The following PCDHA7 variants were observed in gnomAD, a reference collection of about 807,000 sequenced individuals.
The protein encoded by PCDHA7 is protocadherin alpha 7.
A neutral mutation model predicts 57.2 loss-of-function variants in PCDHA7; 37 were observed. That is an observed-to-expected ratio of 0.65 (90% confidence interval 0.50 to 0.85). The LOEUF (loss-of-function observed/expected upper bound fraction) is 0.85, where lower values mean the gene tolerates loss of function less well. Ranked by LOEUF, PCDHA7 falls within the 40% of genes least tolerant of loss-of-function variation. The probability of loss-of-function intolerance (pLI) is 0.00; values close to 1 mark genes in which losing one functional copy is unlikely to be tolerated. For synonymous variants in PCDHA7, 553 were observed against 558.8 expected (o/e 0.99, Z 0.15); for missense variants, 1,188 against 1,241.8 (o/e 0.96, Z 0.65).
chr5:140,868,946 G>C, intron 1 of PCDHA7: 1 of 1,292,216 alleles, frequency 7.7e-7, no homozygotes, highest in Non-Finnish European at 1.1e-6. Flanking sequence ...TCTGAACAGT[G>C]AGGCACTCCC....
chr5:140,836,021 C>T lies in PCDHA7; in HGVS notation c.1638C>T (p.Gly546=), dbSNP rs2150250890. The change falls in exon 1 of 4, where the codon GGC becomes GGT. Residue 546 remains glycine (G), a synonymous_variant. Transcript: ENST00000525929. ...GCGATGCGGGCGTGCCGCCTCTGGG[C>T]AGCAACGTGACGCTGCAGGTGTTCG... is the stretch of plus-strand genomic sequence containing the variant. ...SARDAGVPPL[G]SNVTLQVFVL... The T allele has an allele frequency of 3.1e-6, 5 of 1,613,270 alleles. No homozygotes were observed. In the East Asian group the frequency reaches 8.9e-5, roughly 29 times the overall value.
intron 1 of PCDHA7, chr5:140,843,007 G>T (rs2150349965): frequency 6.3e-7 from 1 of 1,594,864 alleles, no homozygotes; most frequent in African/African-American, 1.3e-5. Flanking sequence ...ATGACAACGC[G>T]CCGGCACTGC....
chr5:140,879,923 G>C (rs2058180033), intron 1 of PCDHA7, among the ~76,000 whole-genome samples: 1 of 152,132 alleles, frequency 6.6e-6, no homozygotes, highest in South Asian at 2.1e-4. Context: ...GTTTTACAAA[G>C]GTACATGTGA....
intron 1 of PCDHA7, among the ~76,000 whole-genome samples, chr5:140,902,203 C>CTTTTTTTTTTTTT (rs148688132): frequency 8.0e-6 from 1 of 124,460 alleles, no homozygotes; most frequent in African/African-American, 3.1e-5. Context: ...CTCTCTCTTT[C>CTTTTTTTTTTTTT]TTTTTTTTTT....
intron 1 of PCDHA7, chr5:140,876,782 C>T (rs372500794): frequency 2.5e-6 from 4 of 1,614,096 alleles, no homozygotes; most frequent in African/African-American, 2.7e-5. Flanking sequence ...TCGCTGTGGG[C>T]CACGGCTAGA....
intron 3 of PCDHA7, among the ~76,000 whole-genome samples, chr5:140,999,159 G>T (rs1056236953): frequency 6.6e-6 from 1 of 152,182 alleles, no homozygotes; most frequent in Non-Finnish European, 1.5e-5. Flanking sequence ...CAGTCCCCTA[G>T]AAGGAAAAGA....
intron 1 of PCDHA7, chr5:140,877,379 TC>T (rs1169435329): frequency 1.9e-6 from 3 of 1,613,950 alleles, no homozygotes. Flanking sequence ...ACGACACGCA[TC>T]CTGGATGAGG....
intron 1 of PCDHA7, among the ~76,000 whole-genome samples, chr5:140,887,272 AT>A (rs2061386056): frequency 6.6e-6 from 1 of 151,690 alleles, no homozygotes; most frequent in South Asian, 2.1e-4. Context: ...AATTTTTTGT[AT>A]TTTTAGTAGA....
intron 1 of PCDHA7, among the ~76,000 whole-genome samples, chr5:140,957,226 C>T (rs1421287024): frequency 1.3e-5 from 2 of 152,080 alleles, no homozygotes; most frequent in African/African-American, 4.8e-5. Context: ...TTTGGCGAAG[C>T]ATTTTGGCAT....
chr5:140,856,488 T>C lies in PCDHA7; in HGVS notation c.2355+19750T>C. Reference sequence around the variant, plus strand: ...CTCTCAATACCTGAATCCAGACTGCTTGACTCTCGATTTCCACTAGAAGGC... The same window carrying C: ...CTCTCAATACCTGAATCCAGACTGCCTGACTCTCGATTTCCACTAGAAGGC... On this transcript the variant is annotated intron_variant, in intron 1 of 3. Coordinates refer to ENST00000525929, the MANE Select transcript of PCDHA7 (RefSeq NM_018910.3). 3.1e-6 allele frequency: 5 copies of C among 1,598,406 alleles called. 2 individuals carry two copies. Among genetic ancestry groups the C allele is most frequent in the Non-Finnish European group, 3.4e-6 (4 of 1,167,896 alleles).
intron 1 of PCDHA7, chr5:140,862,600 TTCG>T (rs1554156642): frequency 1.9e-6 from 1 of 513,664 alleles, no homozygotes; most frequent in East Asian, 5.2e-5. Context: ...GTACATGGTG[TTCG>T]TGAAAGGTAA....
chr5:140,851,181 A>G, intron 1 of PCDHA7: 2 of 1,246,750 alleles, frequency 1.6e-6, no homozygotes, highest in Middle Eastern at 6.4e-4. Flanking sequence ...ACACTTGAAA[A>G]CCAATTTAGT....
At chr5:140,979,779 G>C (rs778402540) in intron 2 of PCDHA7, among the ~76,000 whole-genome samples, 1 of 152,186 alleles carries the variant, frequency 6.6e-6, no homozygotes, top group Non-Finnish European at 1.5e-5. Flanking sequence ...AAATGGGAAG[G>C]ACCAAGAAAC....
chr5:140,901,466 C>T (rs782517412), intron 1 of PCDHA7, among the ~76,000 whole-genome samples: 3 of 152,062 alleles, frequency 2.0e-5, no homozygotes, highest in Admixed American at 6.5e-5. Flanking sequence ...TGTCTTTTCT[C>T]GAGTTTATGT....
intron 1 of PCDHA7, chr5:140,868,886 A>G: frequency 1.4e-6 from 1 of 730,322 alleles, no homozygotes; most frequent in Non-Finnish European, 2.1e-6. Context: ...TCACAGTTTT[A>G]GGCGCAAGGT....
At chr5:140,913,706 C>A (rs1431880255) in intron 1 of PCDHA7, among the ~76,000 whole-genome samples, 4 of 152,054 alleles carry the variant, frequency 2.6e-5, no homozygotes, top group Non-Finnish European at 5.9e-5. Context: ...CCAATGTAGG[C>A]AATTACAGCT....
At position 140,836,560 on chromosome 5, in the gene PCDHA7, C is replaced by A. The variant is rs782229036; in HGVS notation, c.2177C>A (p.Pro726Gln). ...TACACGGCGTTGCGGTGCTCAGCGCCGTCCTCTGAGGGCGCATGTAGTTTG... is the reference window on the plus strand; with the variant it reads ...TACACGGCGTTGCGGTGCTCAGCGCAGTCCTCTGAGGGCGCATGTAGTTTG... ...LLYTALRCSA[P>Q]SSEGACSLVK... Residue 726 changes from proline to glutamine, a missense_variant, in exon 1 of 4, where the codon CCG becomes CAG. Coordinates refer to ENST00000525929, the MANE Select transcript of PCDHA7 (RefSeq NM_018910.3). The A allele has an allele frequency of 1.2e-6, 2 of 1,613,622 alleles. No individual in the cohort carries two copies. The highest frequency in any genetic ancestry group is 1.3e-5 in the African/African-American group (1 of 74,788).
chr5:141,002,120 T>C (rs1416494483), intron 3 of PCDHA7, among the ~76,000 whole-genome samples: 1 of 152,250 alleles, frequency 6.6e-6, no homozygotes, highest in African/African-American at 2.4e-5. Context: ...CTATAATCAT[T>C]TAATAGCCTT....
intron 3 of PCDHA7, among the ~76,000 whole-genome samples, chr5:141,000,387 CTCTCTCTCTATATA>C (rs1446529556): frequency 4.5e-4 from 30 of 66,870 alleles, no homozygotes; most frequent in African/African-American, 1.4e-3. Flanking sequence ...CTCTCTCTCT[CTCTCTCTCTATATA>C]TATATATATA....
Sources: allele counts gnomAD v4.1 joint callset (sites outside exome capture counted in the v4.1 genomes callset), GRCh38; gene constraint gnomAD v4.1.1; transcripts MANE v1.5; gene names NCBI Gene and HGNC (gene_info 2026-07-23, HGNC 2026-07-21).